Variants in TAF15 observed in about 807,000 individuals in gnomAD.
TAF15 encodes the protein TATA-box binding protein associated factor 15.
In TAF15, 37 loss-of-function variants were observed where a neutral mutation model predicts 102.5. That is an observed-to-expected ratio of 0.36 (90% confidence interval 0.28 to 0.47). The LOEUF (loss-of-function observed/expected upper bound fraction) is 0.47. Among genes scored for constraint, TAF15 ranks in the 20% least tolerant of loss-of-function variants. The probability of loss-of-function intolerance (pLI) is 0.99; values close to 1 mark genes in which losing one functional copy is unlikely to be tolerated. For synonymous variants in TAF15, 273 were observed against 259.2 expected (o/e 1.05, Z -0.51); for missense variants, 652 against 760.7 (o/e 0.86, Z 1.68).
intron 1 of TAF15, among the ~76,000 whole-genome samples, chr17:35,813,416 G>A (rs1274696262): frequency 3.3e-5 from 5 of 152,014 alleles, no homozygotes; most frequent in African/African-American, 9.7e-5. Context: ...GGTAGATCGC[G>A]TGAGCTCAGG....
At chr17:35,824,996 T>C (rs76277035) in intron 7 of TAF15, among the ~76,000 whole-genome samples, 11,282 of 152,168 alleles carry the variant, frequency 0.074, 558 homozygotes, top group Admixed American at 0.14. Context: ...TGTGTGTAAA[T>C]ACACAGGCTA....
intron 11 of TAF15, among the ~76,000 whole-genome samples, chr17:35,839,822 G>GT (rs2087522254): frequency 6.6e-6 from 1 of 152,042 alleles, no homozygotes; most frequent in Non-Finnish European, 1.5e-5. Flanking sequence ...TCCAAATAGA[G>GT]TTTTGTCTTA....
At chr17:35,831,846 C>G (rs1421139948) in intron 7 of TAF15, among the ~76,000 whole-genome samples, 1 of 151,496 alleles carries the variant, frequency 6.6e-6, no homozygotes, top group African/African-American at 2.4e-5. Flanking sequence ...ACTTTGGGAG[C>G]CTGAGGCGGG....
chr17:35,817,774 TTAA>T lies in TAF15; in HGVS notation c.47+25_47+27del, dbSNP rs762423466. 3 of 1,610,886 alleles carry T rather than the reference TTAA, an allele frequency of 1.9e-6. No individual in the cohort carries two copies. Among genetic ancestry groups the T allele is most frequent in the East Asian group, 2.2e-5 (1 of 44,858 alleles). ...AGCAAAGGTAAAGTATACATACATT[TTAA>T]TAATATGAAAGGGTAGAACTGAGGT... On this transcript the variant is annotated intron_variant, in intron 2 of 15. Coordinates refer to ENST00000605844, the MANE Select transcript of TAF15 (RefSeq NM_139215.3).
chr17:35,824,170 G>T lies in TAF15; in HGVS notation c.577G>T (p.Asp193Tyr). Residue 193 changes from aspartate to tyrosine, a missense_variant, in exon 7 of 16, where the codon GAT (aspartate) becomes TAT (tyrosine). By Grantham distance (160) the Asp-to-Tyr change is radical. Transcript: ENST00000605844. ...TAGAGGGCGTGGGGGATATGACAAGGATGGAAGAGGTCCTATGACAGGATC... is the reference window on the plus strand; with the variant it reads ...TAGAGGGCGTGGGGGATATGACAAGTATGGAAGAGGTCCTATGACAGGATC... ...GGRGRGGYDK[D>Y]GRGPMTGSSG... The T allele has an allele frequency of 6.2e-7, 1 of 1,613,976 alleles. No individual in the cohort carries two copies. Among genetic ancestry groups the T allele is most frequent in the South Asian group, 1.1e-5 (1 of 91,072 alleles).
chr17:35,833,919 C>T lies in TAF15; in HGVS notation c.618C>T (p.Arg206=), dbSNP rs200627084. The T allele has an allele frequency of 1.1e-5, 18 of 1,613,798 alleles. No homozygotes were observed. Among genetic ancestry groups the T allele is most frequent in the Non-Finnish European group, 1.4e-5 (17 of 1,179,954 alleles). Reference sequence around the variant, plus strand: ...TTTTCCTCTGCAGTGGTGGTGACCGCGGTGGCTTCAAAAATTTTGGTGGTA... The same window carrying T: ...TTTTCCTCTGCAGTGGTGGTGACCGTGGTGGCTTCAAAAATTTTGGTGGTA... The part of the protein sequence containing the change: ...GPMTGSSGGD[R]GGFKNFGGHR... The change falls in exon 8 of 16, where the codon CGC becomes CGT. Residue 206 remains arginine (R), a synonymous_variant. Coordinates refer to ENST00000605844, the MANE Select transcript of TAF15 (RefSeq NM_139215.3).
intron 2 of TAF15, 128 bp from the exon 3 acceptor site, chr17:35,819,896 G>A: frequency 1.2e-6 from 1 of 813,038 alleles, no homozygotes; most frequent in Non-Finnish European, 2.1e-6. Flanking sequence ...TCTAGAGACA[G>A]GGAGATTGAT....
At chr17:35,816,815 C>CA in intron 1 of TAF15, 1 of 57,436 alleles carries the variant, frequency 1.7e-5, no homozygotes, top group Non-Finnish European at 3.2e-5. Flanking sequence ...CCCACCCCCA[C>CA]TTTTTTTTTT....
intron 11 of TAF15, among the ~76,000 whole-genome samples, chr17:35,841,562 C>T (rs1348236280): frequency 6.6e-6 from 1 of 151,982 alleles, no homozygotes; most frequent in Non-Finnish European, 1.5e-5. Flanking sequence ...CCACCACACC[C>T]AGTTAATTTT....
chr17:35,831,146 T>C (rs2087399948), intron 7 of TAF15, among the ~76,000 whole-genome samples: 2 of 152,174 alleles, frequency 1.3e-5, no homozygotes, highest in Admixed American at 1.3e-4. Context: ...CTCATGCCTG[T>C]AATCCCAGTG....
At position 35,821,592 on chromosome 17, in the gene TAF15, TC is replaced by T. The variant is rs370258459; in HGVS notation, c.291-1040del. Among the ~76,000 whole-genome samples, 668 of 151,310 alleles carry T rather than the reference TC, an allele frequency of 4.4e-3. 2 individuals carry two copies. Among genetic ancestry groups the T allele is most frequent in the Middle Eastern group, 0.017 (5 of 294 alleles). On this transcript the variant is annotated intron_variant, in intron 5 of 15. Transcript: ENST00000605844. Reference sequence around the variant, plus strand: ...CTATTAAGTTATGAGATCTTTTTTGTCCCCCCCCAGCCCATTTTTATAATAA... The same window carrying T: ...CTATTAAGTTATGAGATCTTTTTTGTCCCCCCCAGCCCATTTTTATAATAA...
At chr17:35,821,972 A>G (rs1291349568) in intron 5 of TAF15, among the ~76,000 whole-genome samples, 1 of 152,152 alleles carries the variant, frequency 6.6e-6, no homozygotes, top group Non-Finnish European at 1.5e-5. Flanking sequence ...AAAAGGACTC[A>G]GCTCTTGTGG....
At position 35,838,743 on chromosome 17, in the gene TAF15, G is replaced by A. The variant is rs559116971; in HGVS notation, c.913+190G>A. ...TATCGTTGTTGGTCTAGCATATTTC[G>A]TTATATCATGCCTTGTGCATGAGGC... On this transcript the variant is annotated intron_variant, in intron 11 of 15. Coordinates refer to ENST00000605844, the MANE Select transcript of TAF15 (RefSeq NM_139215.3). 5.9e-5 allele frequency among the ~76,000 whole-genome samples: 9 copies of A among 152,280 alleles called. No homozygotes were observed. The East Asian group carries it at 1.7e-3, about 29-fold the overall frequency.
At chr17:35,842,339 G>T (rs1039723095) in intron 11 of TAF15, 28 bp from the exon 12 acceptor site, 5 of 1,577,246 alleles carry the variant, frequency 3.2e-6, no homozygotes, top group Non-Finnish European at 3.5e-6. Flanking sequence ...GAGTAGCATT[G>T]CTTCAAAGCT....
At chr17:35,836,361 A>ATT in intron 10 of TAF15, 120 bp downstream of exon 10, 3 of 698,442 alleles carry the variant, frequency 4.3e-6, no homozygotes, top group Non-Finnish European at 7.4e-6. Flanking sequence ...TGTGATGCAC[A>ATT]TGCTCGTTTA....
chr17:35,812,432 ACTT>A (rs2087135247), intron 1 of TAF15, among the ~76,000 whole-genome samples: 1 of 151,900 alleles, frequency 6.6e-6, no homozygotes, highest in Non-Finnish European at 1.5e-5. Context: ...CCCCATCTCT[ACTT>A]AAAAAATTAA....
rs1245865038 is a variant in TAF15, at chr17:35,844,767, C to G, written c.1468C>G (p.Arg490Gly). Residue 490 changes from arginine to glycine, a missense_variant, in exon 15 of 16, where the codon CGA becomes GGA. By Grantham distance (125) the Arg-to-Gly change is moderately radical. Coordinates refer to ENST00000605844, the MANE Select transcript of TAF15 (RefSeq NM_139215.3). ...GGDRGGYGGD[R>G]GGGYGGDRGG... ...AGATCGAGGTGGCTATGGAGGAGAC[C>G]GAGGTGGAGGCTATGGTGGAGACCG... 1 of 1,601,850 alleles carries G rather than the reference C, an allele frequency of 6.2e-7. No homozygotes were observed. The highest frequency in any genetic ancestry group is 1.4e-5 in the African/African-American group (1 of 70,814).
intron 6 of TAF15, 104 bp downstream of exon 6, chr17:35,822,937 T>C: frequency 2.1e-6 from 3 of 1,396,038 alleles, no homozygotes; most frequent in Non-Finnish European, 3.0e-6. Flanking sequence ...TTGTAAAAAT[T>C]TAGGGTAACC....
At chr17:35,833,195 C>T (rs2087428165) in intron 7 of TAF15, among the ~76,000 whole-genome samples, 1 of 151,880 alleles carries the variant, frequency 6.6e-6, no homozygotes, top group African/African-American at 2.4e-5. Flanking sequence ...AATATGTTGC[C>T]TGCTGTCTGT....
Sources: allele counts gnomAD v4.1 joint callset (sites outside exome capture counted in the v4.1 genomes callset), GRCh38; gene constraint gnomAD v4.1.1; transcripts MANE v1.5; gene names NCBI Gene and HGNC (gene_info 2026-07-23, HGNC 2026-07-21).